The following COL5A1 variants were observed in gnomAD, a reference collection of about 807,000 sequenced individuals.
COL5A1 encodes the protein collagen type V alpha 1 chain.
A neutral mutation model predicts 263.7 loss-of-function variants in COL5A1; 16 were observed. That is an observed-to-expected ratio of 0.06 (90% CI 0.04 to 0.09). The LOEUF is 0.09. Among genes scored for constraint, COL5A1 ranks in the 10% least tolerant of loss-of-function variants. The pLI is 1.00. For missense variants in COL5A1, 2,036 were observed against 2,540.5 expected (o/e 0.80, Z 4.27); for synonymous variants, 1,012 against 1,004.5 (o/e 1.01, Z -0.14).
chr9:134,778,452 C>T lies in COL5A1; in HGVS notation c.2386-1650C>T, dbSNP rs115084919. ...GAATACGCAAGCTGTGTTTGTCCGG[C>T]GCTTCCTCTCCATCTTGAGGTCCAT... On this transcript the variant is annotated intron_variant, in intron 27 of 65. Coordinates refer to ENST00000371817, the MANE Select transcript of COL5A1 (RefSeq NM_000093.5). Among the ~76,000 whole-genome samples the T allele has an allele frequency of 2.5e-3, 386 of 152,314 alleles. 2 individuals are homozygous for T. The highest frequency in any genetic ancestry group is 8.8e-3 in the African/African-American group (366 of 41,570).
chr9:134,823,062 A>G (rs1414111828), intron 60 of COL5A1, 29 bp downstream of exon 60: 3 of 1,613,450 alleles, frequency 1.9e-6, no homozygotes, highest in Admixed American at 1.7e-5. Context: ...AGCCAGGCCA[A>G]TGCCTGGAAG....
intron 11 of COL5A1, among the ~76,000 whole-genome samples, chr9:134,739,963 G>T (rs1461823276): frequency 6.6e-6 from 1 of 152,184 alleles, no homozygotes; most frequent in Non-Finnish European, 1.5e-5. Context: ...GTTCTGTGTG[G>T]CTGGGTGACC....
intron 1 of COL5A1, among the ~76,000 whole-genome samples, chr9:134,659,487 C>T (rs1271407267): frequency 3.3e-5 from 5 of 152,284 alleles, no homozygotes; most frequent in Non-Finnish European, 5.9e-5. Context: ...CCAGGCCTTC[C>T]GAGAGTGCCA....
intron 2 of COL5A1, among the ~76,000 whole-genome samples, chr9:134,695,333 T>C (rs569104692): frequency 6.6e-6 from 1 of 152,224 alleles, no homozygotes; most frequent in African/African-American, 2.4e-5. Flanking sequence ...CAGCCTCCCT[T>C]AGGCAGAATG....
At chr9:134,776,826 G>T (rs3124930) in intron 27 of COL5A1, among the ~76,000 whole-genome samples, 44,144 of 152,104 alleles carry the variant, frequency 0.29, 6,684 homozygotes, top group East Asian at 0.5. Context: ...ACCAGCAGAT[G>T]CAGTGTCTGC....
rs1012283411 is a variant in COL5A1, at chr9:134,647,261, C to T, written c.109+4965C>T. 3.9e-5 allele frequency among the ~76,000 whole-genome samples: 6 copies of T among 152,262 alleles called. No homozygotes were observed. Among genetic ancestry groups the T allele is most frequent in the Middle Eastern group, 3.4e-3 (1 of 294 alleles). On this transcript the variant is annotated intron_variant, in intron 1 of 65. Transcript: ENST00000371817. This position sits in a 1 kb window ranked among gnomAD's most constrained non-coding sequence, Gnocchi z 5.0. ...TTGGCCTCGGTTCTTTGCTTTCCCA[C>T]GGAACCTCATGGGGTCATTGTCCAG...
rs1047829950 is a variant in COL5A1, at chr9:134,733,482, C to T, written c.1389+1355C>T. On this transcript the variant is annotated intron_variant, in intron 9 of 65. Coordinates refer to ENST00000371817, the MANE Select transcript of COL5A1 (RefSeq NM_000093.5). ...GGTGCCTACAGACACATCCTTTTCT[C>T]GGACCCCCTTTCCAGTGCTCTCTGG... Among the ~76,000 whole-genome samples the T allele has an allele frequency of 3.3e-5, 5 of 152,300 alleles. No homozygotes were observed. In the East Asian group the frequency reaches 5.8e-4, roughly 18 times the overall value.
chr9:134,763,528 C>G (rs1314905438), intron 19 of COL5A1, among the ~76,000 whole-genome samples, 165 bp from the exon 20 acceptor site: 1 of 152,260 alleles, frequency 6.6e-6, no homozygotes, highest in African/African-American at 2.4e-5. Context: ...TAGCAGCTTG[C>G]TGGGAGCGAG....
chr9:134,771,860 T>C (rs977258926), intron 25 of COL5A1, among the ~76,000 whole-genome samples: 6 of 152,218 alleles, frequency 3.9e-5, no homozygotes, highest in Non-Finnish European at 8.8e-5. Flanking sequence ...TCCTCGTTGG[T>C]GGAACTGCAT....
At position 134,733,323 on chromosome 9, in the gene COL5A1, G is replaced by A. The variant is rs528223172; in HGVS notation, c.1389+1196G>A. Among the ~76,000 whole-genome samples, 3 of 152,326 alleles carry A rather than the reference G, an allele frequency of 2.0e-5. No homozygotes were observed. The South Asian group carries it at 6.2e-4, about 32-fold the overall frequency. On this transcript the variant is annotated intron_variant, in intron 9 of 65. Transcript: ENST00000371817. ...TTGAAGCCCGTGGCCAGGGCAGACG[G>A]GATGTGTCCCATCTCTGGGGTGGAA...
intron 4 of COL5A1, 55 bp downstream of exon 4, chr9:134,701,388 G>A (rs1833669847): frequency 6.4e-7 from 1 of 1,573,858 alleles, no homozygotes; most frequent in South Asian, 1.1e-5. Context: ...CTCCTGTGGA[G>A]CCACTGTGAC....
intron 32 of COL5A1, among the ~76,000 whole-genome samples, chr9:134,792,129 C>T (rs551989376): frequency 6.6e-6 from 1 of 152,342 alleles, no homozygotes; most frequent in African/African-American, 2.4e-5. Context: ...AGGGCCGAGC[C>T]CGGCAAGGGA....
At chr9:134,807,987 T>C (rs764788176) in intron 42 of COL5A1, among the ~76,000 whole-genome samples, 10 of 152,136 alleles carry the variant, frequency 6.6e-5, no homozygotes, top group Non-Finnish European at 1.0e-4. Context: ...CAAGCAAAGG[T>C]TGGACGTCTC....
intron 2 of COL5A1, among the ~76,000 whole-genome samples, chr9:134,697,645 C>T (rs1285166528): frequency 1.3e-5 from 2 of 152,112 alleles, no homozygotes; most frequent in African/African-American, 2.4e-5. Context: ...CTCAGTGCCC[C>T]ATGCACTCCC....
intron 4 of COL5A1, among the ~76,000 whole-genome samples, chr9:134,706,693 G>T (rs892805053): frequency 1.2e-4 from 18 of 152,212 alleles, no homozygotes; most frequent in African/African-American, 4.3e-4. Flanking sequence ...GGGACCAGTG[G>T]CAGGAGACTG....
Position 134,842,371 on chromosome 9 carries a change from C to T in COL5A1, c.*68C>T, listed in dbSNP as rs886063679. ...AGCATGCCATTCGTTCGTGAGTGTC[C>T]CGTGCACGTCCTGACCCTGGACAGT... On this transcript the variant is annotated 3_prime_UTR_variant, in exon 66 of 66. Coordinates refer to ENST00000371817, the MANE Select transcript of COL5A1 (RefSeq NM_000093.5). This position sits in a 1 kb window ranked among gnomAD's most constrained non-coding sequence, Gnocchi z 5.8. 1.6e-4 allele frequency: 254 copies of T among 1,578,350 alleles called. No individual in the cohort carries two copies. The highest frequency in any genetic ancestry group is 2.0e-4 in the Non-Finnish European group (230 of 1,155,654).
At chr9:134,738,391 C>A in intron 9 of COL5A1, 83 bp from the exon 10 acceptor site, 4 of 1,520,716 alleles carry the variant, frequency 2.6e-6, no homozygotes, top group Non-Finnish European at 3.6e-6. Flanking sequence ...GTGCATGCAG[C>A]TGAAGGCCGT....
intron 9 of COL5A1, among the ~76,000 whole-genome samples, chr9:134,732,924 G>A (rs1564418816): frequency 2.0e-5 from 3 of 152,140 alleles, no homozygotes; most frequent in African/African-American, 4.8e-5. Flanking sequence ...CCGCCCCGCC[G>A]CCGGCAGGCA....
Position 134,761,260 on chromosome 9 carries a change from C to T in COL5A1, c.1936-665C>T, listed in dbSNP as rs1836426643. Among the ~76,000 whole-genome samples the T allele has an allele frequency of 4.6e-5, 7 of 151,964 alleles. No individual in the cohort carries two copies. In the South Asian group the frequency reaches 1.0e-3, roughly 23 times the overall value. The stretch of plus-strand genomic sequence containing the variant: ...TACCCCCACACACTCCACCCACACA[C>T]GTGCACTCGCATACACACATGCACT... On this transcript the variant is annotated intron_variant, in intron 18 of 65. Coordinates refer to ENST00000371817, the MANE Select transcript of COL5A1 (RefSeq NM_000093.5).
Sources: allele counts gnomAD v4.1 joint callset (sites outside exome capture counted in the v4.1 genomes callset), GRCh38; gene constraint gnomAD v4.1.1; non-coding constraint Gnocchi (gnomAD v3.1); transcripts MANE v1.5; gene names NCBI Gene and HGNC (gene_info 2026-07-23, HGNC 2026-07-21).